The following MYO1C variants were observed in gnomAD, a reference collection of about 807,000 sequenced individuals.
MYO1C encodes myosin IC, also known as unconventional myosin-Ic.
MYO1C carries 104 observed loss-of-function variants against 150.8 expected under a neutral mutation model. That is an observed-to-expected ratio of 0.69 (90% CI 0.59 to 0.81). The LOEUF is 0.81. MYO1C is among the 30% of genes least tolerant of loss of function. The pLI is 0.00. For synonymous variants in MYO1C, 663 were observed against 579.9 expected, an observed-to-expected ratio of 1.14 and a Z score of -2.06; for missense variants, 1,504 against 1,435.0, an observed-to-expected ratio of 1.05 and a Z score of -0.78.
chr17:1,471,336 C>T lies in MYO1C; in HGVS notation c.2022G>A (p.Arg674=). 3.1e-6 allele frequency: 5 copies of T among 1,613,626 alleles called. No individual in the cohort carries two copies. The highest frequency in any genetic ancestry group is 4.2e-6 in the Non-Finnish European group (5 of 1,179,890). Residue 674 remains arginine, a splice_region_variant and synonymous_variant, in exon 20 of 32, where the codon AGG becomes AGA. Transcript: ENST00000648651. ...ACGTCTCTGGGCACAGTGACTTGTA[C>T]CTGGGGACAGGAATGCACGCGGCTC... The part of the protein sequence containing the change: ...YRRKYEAFLQ[R]YKSLCPETWP...
At chr17:1,481,700 C>T (rs901257042) in intron 5 of MYO1C, among the ~76,000 whole-genome samples, 11 of 151,694 alleles carry the variant, frequency 7.3e-5, no homozygotes, top group African/African-American at 2.2e-4. Context: ...AGGGTTTCAC[C>T]ATGTTGGCCA....
intron 1 of MYO1C, among the ~76,000 whole-genome samples, chr17:1,491,834 C>T (rs2074738934): frequency 6.6e-6 from 1 of 151,586 alleles, no homozygotes; most frequent in African/African-American, 2.4e-5. Context: ...CCCGGGGCCA[C>T]AGCGAACACG....
chr17:1,492,348 G>A (rs2074744913), intron 1 of MYO1C, 65 bp downstream of exon 1: 2 of 1,511,842 alleles, frequency 1.3e-6, no homozygotes, highest in Non-Finnish European at 1.8e-6. Flanking sequence ...GCTCGCCTGA[G>A]AGGGGCTGCC....
chr17:1,467,942 G>A (rs756536955), intron 28 of MYO1C, 32 bp from the exon 29 acceptor site: 2 of 1,612,898 alleles, frequency 1.2e-6, no homozygotes, highest in South Asian at 1.1e-5. Context: ...CAGAGGTCGA[G>A]GGTCAGAGCA....
chr17:1,467,250 G>C lies in MYO1C; in HGVS notation c.3157C>G (p.Leu1053Val). 6.2e-7 allele frequency: 1 copy of C among 1,612,384 alleles called. No individual in the cohort carries two copies. The highest frequency in any genetic ancestry group is 8.5e-7 in the Non-Finnish European group (1 of 1,179,308). The change falls in exon 31 of 32, where the codon CTG (leucine) becomes GTG (valine). Residue 1053 changes from leucine (L) to valine (V), a missense_variant. By Grantham distance (32) the Leu-to-Val change is conservative. Transcript: ENST00000648651. Reference sequence around the variant, plus strand: ...AAGCAGGCCCCACTCACCACAGCCAGGTGCCCGTTCTTGGCCTTGGTGATG... The same window carrying C: ...AAGCAGGCCCCACTCACCACAGCCACGTGCCCGTTCTTGGCCTTGGTGATG... ...LLITKAKNGHLAVVAPRLNSR is the reference protein window; with the variant it reads ...LLITKAKNGHVAVVAPRLNSR
chr17:1,480,554 G>A lies in MYO1C; in HGVS notation c.879C>T (p.Val293=). 1 of 1,614,142 alleles carries A rather than the reference G, an allele frequency of 6.2e-7. No individual in the cohort carries two copies. The highest frequency in any genetic ancestry group is 8.5e-7 in the Non-Finnish European group (1 of 1,180,012). Residue 293 remains valine (V), a synonymous_variant, in exon 7 of 32, where the codon GTC becomes GTT. Transcript: ENST00000648651. ...CCACTTCATCCTCGGTGAAATCAAT[G>A]ACTGTCAGAGCCTTCCTGACGACCT... ...DWKVVRKALT[V]IDFTEDEVED...
rs761228547 is a variant in MYO1C at position 1,468,072 on chromosome 17, G to A, written c.2812C>T (p.Arg938Trp). The change falls in exon 28 of 32, where the codon CGG (arginine) becomes TGG (tryptophan). Residue 938 changes from arginine to tryptophan, a missense_variant. Arg to Trp is a moderately radical substitution (Grantham distance 101). Coordinates refer to ENST00000648651, the MANE Select transcript of MYO1C (RefSeq NM_001080779.2). ...YDRKGYKPRS[R>W]QLLLTPNAVV... ...GCGTTGGGCGTGAGCAGCAGCTGCC[G>A]GGAGCGAGGCTTGTAGCCCTTGCGG... 10 of 1,613,472 alleles carry A rather than the reference G, an allele frequency of 6.2e-6. No homozygotes were observed. Among genetic ancestry groups the A allele is most frequent in the Admixed American group, 3.3e-5 (2 of 59,952 alleles).
At chr17:1,480,440 C>T in intron 7 of MYO1C, 87 bp downstream of exon 7, 1 of 1,189,702 alleles carries the variant, frequency 8.4e-7, no homozygotes, top group Non-Finnish European at 1.2e-6. Context: ...AAGAATGAAA[C>T]TCCGTCTCAA....
rs775984066 is a variant in MYO1C, at chr17:1,467,585, G to A, written c.2968-8C>T. On this transcript the variant is annotated splice_region_variant and splice_polypyrimidine_tract_variant and intron_variant, in intron 29 of 31. Transcript: ENST00000648651. ...CTGCAGCACCACATCTCCCTGGGGG[G>A]CCAGGCAGGAGGAGGGGTCAGGCCC... The A allele has an allele frequency of 1.3e-4, 205 of 1,612,162 alleles. 1 individual carries two copies. The highest frequency in any genetic ancestry group is 1.7e-4 in the Non-Finnish European group (195 of 1,179,796).
rs12941864 is a variant in MYO1C, at chr17:1,492,388, C to T, written c.75+25G>A. The stretch of plus-strand genomic sequence containing the variant: ...CTTGGGGAGACGCTCCCACCCTCCT[C>T]CCAGCCCAGAGCATCCCAGCTTACA... On this transcript the variant is annotated intron_variant, in intron 1 of 31. Coordinates refer to ENST00000648651, the MANE Select transcript of MYO1C (RefSeq NM_001080779.2). 0.52 allele frequency: 828,402 copies of T among 1,584,410 alleles called. 219,065 individuals carry two copies. Among genetic ancestry groups the T allele is most frequent in the African/African-American group, 0.63 (46,862 of 74,138 alleles).
In MYO1C at chr17:1,480,905, T is replaced by C. The variant is rs2074507482; in HGVS notation, c.628-20A>G. 1 of 1,613,028 alleles carries C rather than the reference T, an allele frequency of 6.2e-7. No individual in the cohort carries two copies. On this transcript the variant is annotated intron_variant, in intron 5 of 31. Transcript: ENST00000648651. The stretch of plus-strand genomic sequence containing the variant: ...GGCACCCTGTGGGCAGGGCAGGGCA[T>C]GAGGCCGGGTCACGGGGACTGGGAA...
rs754761268 is a variant in MYO1C, at chr17:1,467,473, G to A, written c.3065+7C>T. Reference sequence around the variant, plus strand: ...CGCCCTGTCCCCGGGGGCCGCCCGCGCCTCACCTGCCCTGGTTGATGTTGA... The same window carrying A: ...CGCCCTGTCCCCGGGGGCCGCCCGCACCTCACCTGCCCTGGTTGATGTTGA... On this transcript the variant is annotated splice_region_variant and intron_variant, in intron 30 of 31. Coordinates refer to ENST00000648651, the MANE Select transcript of MYO1C (RefSeq NM_001080779.2). 1.1e-5 allele frequency: 17 copies of A among 1,610,746 alleles called. No homozygotes were observed. Among genetic ancestry groups the A allele is most frequent in the African/African-American group, 6.7e-5 (5 of 74,328 alleles).
At chr17:1,473,897 G>A (rs1363057054) in intron 17 of MYO1C, among the ~76,000 whole-genome samples, 1 of 151,932 alleles carries the variant, frequency 6.6e-6, no homozygotes, top group Non-Finnish European at 1.5e-5. Context: ...TTCTAAGTTT[G>A]CAAAGCACCC....
chr17:1,471,315 C>T lies in MYO1C; in HGVS notation c.2043G>A (p.Glu681=). The T allele has an allele frequency of 6.2e-7, 1 of 1,613,936 alleles. No homozygotes were observed. Among genetic ancestry groups the T allele is most frequent in the Non-Finnish European group, 8.5e-7 (1 of 1,179,996 alleles). The stretch of plus-strand genomic sequence containing the variant: ...GCCGTCCTGCCCACGTGGGCCACGT[C>T]TCTGGGCACAGTGACTTGTACCTGG... ...FLQRYKSLCP[E]TWPTWAGRPQ... Residue 681 remains glutamate, a synonymous_variant, in exon 20 of 32, where the codon GAG becomes GAA. Coordinates refer to ENST00000648651, the MANE Select transcript of MYO1C (RefSeq NM_001080779.2).
At chr17:1,466,439 T>C (rs542183702) in intron 31 of MYO1C, among the ~76,000 whole-genome samples, 1 of 152,244 alleles carries the variant, frequency 6.6e-6, no homozygotes, top group Admixed American at 6.5e-5. Context: ...TAAGCGATTC[T>C]CCTGCCTCAG....
chr17:1,482,401 C>T lies in MYO1C; in HGVS notation c.627+77G>A, dbSNP rs1297910092. 13 of 1,305,554 alleles carry T rather than the reference C, an allele frequency of 1.0e-5. No homozygotes were observed. The East Asian group carries it at 3.0e-4, about 30-fold the overall frequency. The allele number at this position is 1,305,554 out of a possible 1,614,324, so 80.9% of individuals were successfully genotyped here. On this transcript the variant is annotated intron_variant, in intron 5 of 31. Coordinates refer to ENST00000648651, the MANE Select transcript of MYO1C (RefSeq NM_001080779.2). ...CTGGAATTGCAGCACCTGGAATAGT[C>T]CCTGGTACCCAGTAGGTGCTTCACA... is the stretch of plus-strand genomic sequence containing the variant.
chr17:1,472,762 G>A (rs911800314), intron 17 of MYO1C, among the ~76,000 whole-genome samples: 16 of 151,540 alleles, frequency 1.1e-4, no homozygotes, highest in African/African-American at 3.9e-4. Flanking sequence ...ACCAGGTGAC[G>A]TCTTCTGGAA....
chr17:1,478,804 C>T lies in MYO1C; in HGVS notation c.1093-69G>A. ...TGTGCATCCCACCTGCTCCCAGGCT[C>T]AGGCAGACCAGGAAGCCGCCACCAC... On this transcript the variant is annotated intron_variant, in intron 9 of 31. Coordinates refer to ENST00000648651, the MANE Select transcript of MYO1C (RefSeq NM_001080779.2). The surrounding 1 kb of genome is among the most constrained non-coding windows in gnomAD (Gnocchi z 6.3). 1.9e-6 allele frequency: 3 copies of T among 1,602,480 alleles called. No homozygotes were observed. Among genetic ancestry groups the T allele is most frequent in the Non-Finnish European group, 2.5e-6 (3 of 1,179,000 alleles).
At position 1,480,512 on chromosome 17, in the gene MYO1C, CG is replaced by C; in HGVS notation, c.906+14del. ...TGTGACAGGAGGAAAGCGAGGGTCC[CG>C]GAAGAGGCCTCACCTCCACTTCATC... On this transcript the variant is annotated intron_variant, in intron 7 of 31. Coordinates refer to ENST00000648651, the MANE Select transcript of MYO1C (RefSeq NM_001080779.2). 4 of 1,604,834 alleles carry C rather than the reference CG, an allele frequency of 2.5e-6. No homozygotes were observed. The highest frequency in any genetic ancestry group is 3.4e-6 in the Non-Finnish European group (4 of 1,171,594).
Sources: allele counts gnomAD v4.1 joint callset (sites outside exome capture counted in the v4.1 genomes callset), GRCh38; gene constraint gnomAD v4.1.1; non-coding constraint Gnocchi (gnomAD v3.1); transcripts MANE v1.5; gene names NCBI Gene and HGNC (gene_info 2026-07-23, HGNC 2026-07-21).